Variants in PCAT7 observed in about 807,000 individuals in gnomAD.
The protein encoded by PCAT7 is prostate cancer associated transcript 7 (non-protein coding).
At chr9:94,563,197 G>C in intron 2 of PCAT7, 1 of 878,958 alleles carries the variant, frequency 1.1e-6, no homozygotes, top group Non-Finnish European at 1.7e-6. Context: ...CTCACTCAAG[G>C]GAAACAGAGT....
intron 2 of PCAT7, chr9:94,570,240 G>A (rs571891412): frequency 6.6e-6 from 1 of 152,296 alleles, no homozygotes; most frequent in East Asian, 1.9e-4. Context: ...CTTTAGAACT[G>A]CTCAGAATGT....
chr9:94,564,256 A>G (rs1450508173), intron 2 of PCAT7, among the ~76,000 whole-genome samples: 1 of 152,244 alleles, frequency 6.6e-6, no homozygotes, highest in Non-Finnish European at 1.5e-5. Context: ...CAGCAAATGC[A>G]AAAGAACTGA....
At chr9:94,561,337 T>C (rs1434425332) in intron 2 of PCAT7, among the ~76,000 whole-genome samples, 1 of 146,916 alleles carries the variant, frequency 6.8e-6, no homozygotes, top group East Asian at 2.0e-4. Context: ...GCAGGCCATG[T>C]GACATGTGAC....
chr9:94,558,514 C>T (rs1295232917), intron 1 of PCAT7, among the ~76,000 whole-genome samples: 2 of 152,080 alleles, frequency 1.3e-5, no homozygotes, highest in African/African-American at 2.4e-5. Context: ...AGGATGGTCT[C>T]GATCTCCTGA....
chr9:94,564,687 G>C (rs10122208), intron 2 of PCAT7, among the ~76,000 whole-genome samples: 75,536 of 151,736 alleles, frequency 0.5, 19,065 homozygotes, highest in Admixed American at 0.55. Context: ...GGAGGGGGAG[G>C]AGCAGAAAAG....
At chr9:94,570,076 G>C (rs761784549) in intron 2 of PCAT7, 11 of 152,202 alleles carry the variant, frequency 7.2e-5, no homozygotes, top group Non-Finnish European at 1.5e-4. Context: ...AAGATGCTAT[G>C]GTTCATCTCT....
In PCAT7 at chr9:94,559,122, A is replaced by G. The variant is rs72743247; in HGVS notation, n.411A>G. ...GTAGGCCACGGGATTGCATTCATAC[A>G]GGAGCCGGAGCTGTGGAGGAACAGA... On this transcript the variant is annotated non_coding_transcript_exon_variant, in exon 2 of 9. Coordinates refer to ENST00000647389, the Ensembl canonical transcript of PCAT7. 14,416 of 1,611,416 alleles carry G rather than the reference A, an allele frequency of 8.9e-3. 83 individuals are homozygous for G. The highest frequency in any genetic ancestry group is 0.012 in the Non-Finnish European group (13,661 of 1,178,554).
chr9:94,567,567 G>T (rs1204846337), intron 2 of PCAT7: 2 of 751,308 alleles, frequency 2.7e-6, no homozygotes, highest in Admixed American at 2.7e-5. Context: ...TTCATGAGTG[G>T]TGGGAAGAAT....
intron 2 of PCAT7, among the ~76,000 whole-genome samples, chr9:94,566,360 G>C (rs865802805): frequency 6.6e-6 from 1 of 152,210 alleles, no homozygotes; most frequent in African/African-American, 2.4e-5. Flanking sequence ...GTGGAAAACC[G>C]CTTAAAGGCA....
chr9:94,568,968 G>A (rs1259925934), intron 2 of PCAT7: 1 of 152,216 alleles, frequency 6.6e-6, no homozygotes, highest in Non-Finnish European at 1.5e-5. Flanking sequence ...ACACCCCATG[G>A]TTCCTCTGCA....
chr9:94,568,532 T>C (rs1827226840), intron 2 of PCAT7: 1 of 152,150 alleles, frequency 6.6e-6, no homozygotes, highest in South Asian at 2.1e-4. Flanking sequence ...ATGTCCAAGA[T>C]TTTGAGAGTG....
chr9:94,570,102 GAC>G (rs1827251373), intron 2 of PCAT7: 3 of 152,212 alleles, frequency 2.0e-5, no homozygotes, highest in Admixed American at 2.0e-4. Flanking sequence ...CTGTCATGTT[GAC>G]AAGCTCTGGT....
At chr9:94,565,205 C>T (rs551671820) in intron 2 of PCAT7, among the ~76,000 whole-genome samples, 3 of 152,028 alleles carry the variant, frequency 2.0e-5, no homozygotes, top group African/African-American at 7.2e-5. Context: ...GAAATCCCAT[C>T]TCTACTAAAA....
rs150143551 is a variant in PCAT7, at chr9:94,565,356, A to C, written n.441+6204A>C. ...TGCCACTTCAGCCTGGAGACAGAGCAAGACTCCACCTCAAAAAAAAAAAAA... is the reference window on the plus strand; with the variant it reads ...TGCCACTTCAGCCTGGAGACAGAGCCAGACTCCACCTCAAAAAAAAAAAAA... On this transcript the variant is annotated intron_variant and non_coding_transcript_variant, in intron 2 of 8. Coordinates refer to ENST00000647389, the Ensembl canonical transcript of PCAT7. 2.4e-3 allele frequency among the ~76,000 whole-genome samples: 312 copies of C among 129,160 alleles called. 1 individual carries two copies. The highest frequency in any genetic ancestry group is 9.6e-3 in the African/African-American group (298 of 31,000). 84.7% of individuals were successfully genotyped at this position (129,160 alleles called of 152,430 possible). A position where few individuals can be genotyped will look rare whatever the true frequency, so the allele number is the denominator to read the frequency against.
At chr9:94,570,419 G>T (rs1587840826) in intron 2 of PCAT7, 1 of 152,170 alleles carries the variant, frequency 6.6e-6, no homozygotes, top group African/African-American at 2.4e-5. Context: ...CTGAAAATGG[G>T]AATAATTGTA....
chr9:94,564,537 A>T (rs1424199377), intron 2 of PCAT7, among the ~76,000 whole-genome samples: 1 of 152,224 alleles, frequency 6.6e-6, no homozygotes, highest in Non-Finnish European at 1.5e-5. Context: ...AGGCCTAATT[A>T]TCTTAAGTAA....
intron 2 of PCAT7, among the ~76,000 whole-genome samples, chr9:94,561,661 A>G (rs1244238763): frequency 6.6e-6 from 1 of 152,084 alleles, no homozygotes; most frequent in Non-Finnish European, 1.5e-5. Flanking sequence ...CACCGCAGCC[A>G]GCCATGACCT....
At chr9:94,564,050 C>T (rs1236831572) in intron 2 of PCAT7, among the ~76,000 whole-genome samples, 1 of 152,180 alleles carries the variant, frequency 6.6e-6, no homozygotes, top group East Asian at 1.9e-4. Context: ...TGGCAGACTT[C>T]AACACCTCAC....
upstream of PCAT7, among the ~76,000 whole-genome samples, chr9:94,554,702 G>T (rs927407432): frequency 6.6e-6 from 1 of 152,146 alleles, no homozygotes; most frequent in Non-Finnish European, 1.5e-5. Flanking sequence ...CTTCCAGCCC[G>T]GCAGGAGAAG....
Sources: gnomAD v4.1 joint callset for allele counts (sites outside exome capture counted in the v4.1 genomes callset) on GRCh38, gnomAD v4.1.1 for gene constraint, MANE v1.5 for transcripts, NCBI Gene and HGNC (gene_info 2026-07-23, HGNC 2026-07-21) for gene names.